Variants in ZC3H12B observed in about 807,000 individuals in gnomAD.
The protein encoded by ZC3H12B is probable ribonuclease ZC3H12B.
ZC3H12B carries 7 observed loss-of-function variants against 43.9 expected under a neutral mutation model. The observed-to-expected ratio is 0.16, with a 90% CI of 0.09 to 0.30. ZC3H12B has a LOEUF of 0.30. Among genes scored for constraint, ZC3H12B ranks in the 10% least tolerant of loss-of-function variants. ZC3H12B has a pLI of 1.00. For synonymous variants in ZC3H12B, 222 were observed against 241.7 expected, an observed-to-expected ratio of 0.92 and a Z score of 0.76; for missense variants, 475 against 670.2, an observed-to-expected ratio of 0.71 and a Z score of 3.22.
At position 65,453,403 on chromosome X, in the gene ZC3H12B, TAA is replaced by T. The variant is rs1167073491; in HGVS notation, n.408-35240_408-35239del. 2.2e-4 allele frequency among the ~76,000 whole-genome samples: 15 copies of T among 67,924 alleles called. 1 individual carries two copies. The South Asian group carries it at 2.2e-3, about 10-fold the overall frequency. The allele number at this position is 67,924 out of a possible 115,157, so 59.0% of individuals were successfully genotyped here. A position where few individuals can be genotyped will look rare whatever the true frequency, so the allele number is the denominator to read the frequency against. ...ATATATATATATATATATATATATA[TAA>T]AATAGAATAGTAATCAGCCATGCAA... On this transcript the variant is annotated intron_variant and non_coding_transcript_variant, in intron 3 of 5. Transcript: ENST00000617377.
chrX:65,140,664 A>G, the ZC3H12B span, among the ~76,000 whole-genome samples: 3 of 112,205 alleles, frequency 2.7e-5, no homozygotes, highest in South Asian at 1.1e-3. Context: ...CTCTCTAAAT[A>G]TCTGGTAGAA....
chrX:65,162,914 T>G, the ZC3H12B span, among the ~76,000 whole-genome samples: 3 of 112,056 alleles, frequency 2.7e-5, no homozygotes, highest in Non-Finnish European at 5.6e-5. Flanking sequence ...ACTTTTGTTC[T>G]TTGATGATGG....
chrX:65,168,009 T>G, the ZC3H12B span, among the ~76,000 whole-genome samples: 4 of 111,899 alleles, frequency 3.6e-5, no homozygotes, highest in Non-Finnish European at 7.5e-5. Flanking sequence ...CCTTTTTTCC[T>G]AATTGAATAC....
At chrX:65,143,962 T>C in the ZC3H12B span, among the ~76,000 whole-genome samples, 1 of 111,339 alleles carries the variant, frequency 9.0e-6, no homozygotes, top group African/African-American at 3.3e-5. Flanking sequence ...TGGTCTTTAG[T>C]TCTTTTTTGG....
At chrX:65,166,459 G>A in the ZC3H12B span, among the ~76,000 whole-genome samples, 1 of 111,874 alleles carries the variant, frequency 8.9e-6, no homozygotes, top group Non-Finnish European at 1.9e-5. Context: ...GGACATTTGG[G>A]TTCGTTCCAA....
the ZC3H12B span, among the ~76,000 whole-genome samples, chrX:65,289,651 A>G: frequency 9.1e-6 from 1 of 110,272 alleles, no homozygotes; most frequent in Non-Finnish European, 1.9e-5. Flanking sequence ...AGAGACATTG[A>G]TCCATGGAAC....
the ZC3H12B span, among the ~76,000 whole-genome samples, chrX:65,318,729 A>G: frequency 3.6e-5 from 4 of 110,522 alleles, no homozygotes; most frequent in East Asian, 2.8e-4. Context: ...CCATTTTTAT[A>G]TCTTCTTTTG....
chrX:65,417,437 G>C (rs2066974477), intron 3 of ZC3H12B, among the ~76,000 whole-genome samples: 1 of 111,972 alleles, frequency 8.9e-6, no homozygotes, highest in African/African-American at 3.2e-5. Context: ...TGAGTTAGTT[G>C]GCTTTATAAG....
the ZC3H12B span, among the ~76,000 whole-genome samples, chrX:65,141,927 G>C: frequency 8.9e-6 from 1 of 111,874 alleles, no homozygotes; most frequent in African/African-American, 3.2e-5. Context: ...GGGGATTTGG[G>C]TTGGATTCAC....
chrX:65,128,377 C>T, the ZC3H12B span, among the ~76,000 whole-genome samples: 12 of 111,989 alleles, frequency 1.1e-4, no homozygotes, highest in Non-Finnish European at 2.1e-4. Flanking sequence ...TTCCTATTAA[C>T]TTTCTGTTAT....
intron 2 of ZC3H12B, among the ~76,000 whole-genome samples, chrX:65,382,919 G>A (rs1452112836): frequency 3.6e-5 from 4 of 110,732 alleles, no homozygotes; most frequent in Non-Finnish European, 7.5e-5. Context: ...CCTCTTCAAG[G>A]AGAACTACAA....
chrX:65,052,460 C>T, the ZC3H12B span, among the ~76,000 whole-genome samples: 1 of 110,495 alleles, frequency 9.1e-6, no homozygotes, highest in Non-Finnish European at 1.9e-5. Flanking sequence ...ACCCACCTCC[C>T]CCCAGAACCC....
chrX:65,358,034 A>G, the ZC3H12B span, among the ~76,000 whole-genome samples: 1 of 109,418 alleles, frequency 9.1e-6, no homozygotes, highest in African/African-American at 3.4e-5. Flanking sequence ...AAAAAAAAAC[A>G]GCCCTTGCAA....
the ZC3H12B span, among the ~76,000 whole-genome samples, chrX:65,248,388 C>T: frequency 1.8e-5 from 2 of 111,264 alleles, no homozygotes; most frequent in African/African-American, 3.3e-5. Context: ...ATTAAAGTGA[C>T]GTTTCAGGCT....
chrX:65,342,204 C>A, the ZC3H12B span, among the ~76,000 whole-genome samples: 1 of 111,763 alleles, frequency 8.9e-6, no homozygotes, highest in South Asian at 3.7e-4. Context: ...TTCAGTTCAA[C>A]AAGGAGACCT....
chrX:65,184,380 A>G, the ZC3H12B span, among the ~76,000 whole-genome samples: 1 of 111,302 alleles, frequency 9.0e-6, no homozygotes, highest in South Asian at 3.7e-4. Flanking sequence ...TGATCTTTAG[A>G]GCAACATTGC....
the ZC3H12B span, among the ~76,000 whole-genome samples, chrX:65,303,945 T>C: frequency 8.9e-6 from 1 of 112,561 alleles, no homozygotes; most frequent in Non-Finnish European, 1.9e-5. Context: ...GACTCAATTT[T>C]GTTAAAGTGT....
intron 3 of ZC3H12B, among the ~76,000 whole-genome samples, chrX:65,441,646 G>A (rs1739169875): frequency 8.9e-6 from 1 of 111,914 alleles, no homozygotes; most frequent in African/African-American, 3.2e-5. Context: ...AATGACTCCT[G>A]TATGTATTTG....
At chrX:65,082,188 T>C in the ZC3H12B span, among the ~76,000 whole-genome samples, 1 of 111,245 alleles carries the variant, frequency 9.0e-6, no homozygotes, top group African/African-American at 3.3e-5. Flanking sequence ...TTGAAATAAA[T>C]AATCTAGTGA....
Sources: gnomAD v4.1 joint callset for allele counts (sites outside exome capture counted in the v4.1 genomes callset) on GRCh38, gnomAD v4.1.1 for gene constraint, MANE v1.5 for transcripts, NCBI Gene and HGNC (gene_info 2026-07-23, HGNC 2026-07-21) for gene names.